The following TOGARAM1 variants were observed in gnomAD, a reference collection of about 807,000 sequenced individuals.
The protein encoded by TOGARAM1 is TOG array regulator of axonemal microtubules protein 1.
TOGARAM1 carries 100 observed loss-of-function variants against 166.6 expected under a neutral mutation model. The observed-to-expected ratio is 0.60, with a 90% confidence interval of 0.51 to 0.71. TOGARAM1 has a LOEUF of 0.71. TOGARAM1 is among the 30% of genes least tolerant of loss of function. TOGARAM1 has a pLI of 0.00. For missense variants in TOGARAM1, 2,029 were observed against 2,102.7 expected, an observed-to-expected ratio of 0.96 and a Z score of 0.69; for synonymous variants, 758 against 763.8, an observed-to-expected ratio of 0.99 and a Z score of 0.13.
chr14:45,019,285 C>A (rs1179454490), intron 7 of TOGARAM1, among the ~76,000 whole-genome samples: 1 of 152,106 alleles, frequency 6.6e-6, no homozygotes, highest in Non-Finnish European at 1.5e-5. Flanking sequence ...TTACCACTTC[C>A]CTGGGTAATT....
At chr14:44,977,231 C>CTTTTTTTTTTTT (rs397707333) in intron 1 of TOGARAM1, among the ~76,000 whole-genome samples, 1 of 123,320 alleles carries the variant, frequency 8.1e-6, no homozygotes, top group Non-Finnish European at 1.7e-5. Context: ...ATTAGACAGA[C>CTTTTTTTTTTTT]TTTTTTTTTT....
At chr14:44,966,174 A>T (rs1054174648) in intron 1 of TOGARAM1, among the ~76,000 whole-genome samples, 1 of 151,368 alleles carries the variant, frequency 6.6e-6, no homozygotes, top group African/African-American at 2.4e-5. Flanking sequence ...CCAAATTGTA[A>T]TTTTTAAATT....
At chr14:44,969,110 TTTCCTTCCTTCCTTCCTTCC>T (rs369302120) in intron 1 of TOGARAM1, among the ~76,000 whole-genome samples, 13 of 139,158 alleles carry the variant, frequency 9.3e-5, no homozygotes, top group Non-Finnish European at 1.7e-4. Context: ...TCTTTCTTTC[TTTCCTTCCTTCCTTCCTTCC>T]TTCCTTCCTT....
chr14:44,973,391 C>T (rs989793620), intron 1 of TOGARAM1, among the ~76,000 whole-genome samples: 2 of 151,838 alleles, frequency 1.3e-5, no homozygotes. Context: ...GTAATTTCTT[C>T]CTCCCTGTCA....
chr14:45,011,949 A>G (rs746049024), intron 6 of TOGARAM1, 26 bp from the exon 7 acceptor site: 1 of 1,511,178 alleles, frequency 6.6e-7, no homozygotes, highest in African/African-American at 1.4e-5. Context: ...CTTAATGTTT[A>G]TTGAAATTAC....
chr14:45,057,349 C>T (rs1037760650), intron 16 of TOGARAM1, among the ~76,000 whole-genome samples: 1 of 151,952 alleles, frequency 6.6e-6, no homozygotes, highest in Non-Finnish European at 1.5e-5. Context: ...GTTTGGCTAA[C>T]CTTGGGGGTT....
At chr14:45,052,415 C>A in intron 14 of TOGARAM1, 21 bp from the exon 15 acceptor site, 1 of 1,598,180 alleles carries the variant, frequency 6.3e-7, no homozygotes, top group Non-Finnish European at 8.5e-7. Flanking sequence ...AGTAATATAC[C>A]TGTTTTTCAA....
intron 16 of TOGARAM1, among the ~76,000 whole-genome samples, chr14:45,056,523 T>C (rs536199435): frequency 2.6e-5 from 4 of 152,352 alleles, no homozygotes; most frequent in African/African-American, 9.6e-5. Flanking sequence ...GCCTTTATTA[T>C]GTTGAGGTAT....
At chr14:45,003,360 G>A (rs28688045) in intron 3 of TOGARAM1, among the ~76,000 whole-genome samples, 7,054 of 151,884 alleles carry the variant, frequency 0.046, 530 homozygotes, top group African/African-American at 0.16. Flanking sequence ...TTTTATATTC[G>A]TTGAAGAATA....
chr14:45,008,142 A>T (rs1369756794), intron 5 of TOGARAM1: 1 of 152,230 alleles, frequency 6.6e-6, no homozygotes, highest in Non-Finnish European at 1.5e-5. Context: ...AAATGTAAAC[A>T]AAACAGTTTA....
intron 18 of TOGARAM1, among the ~76,000 whole-genome samples, chr14:45,071,188 G>A (rs1171529183): frequency 6.6e-6 from 1 of 151,904 alleles, no homozygotes; most frequent in Non-Finnish European, 1.5e-5. Flanking sequence ...CCAAAGTTCT[G>A]GGATTACAGG....
chr14:45,007,694 T>C (rs780540463), intron 5 of TOGARAM1: 1 of 152,156 alleles, frequency 6.6e-6, no homozygotes, highest in Non-Finnish European at 1.5e-5. Context: ...TTTGAATGGG[T>C]CACTGTTTAT....
intron 2 of TOGARAM1, chr14:44,996,423 A>G (rs1256631674): frequency 6.6e-6 from 1 of 152,286 alleles, no homozygotes; most frequent in African/African-American, 2.4e-5. Context: ...GAGAAATACC[A>G]AAGAGACCAG....
intron 1 of TOGARAM1, among the ~76,000 whole-genome samples, chr14:44,969,358 G>A (rs546727929): frequency 6.6e-6 from 1 of 151,834 alleles, no homozygotes; most frequent in Admixed American, 6.6e-5. Context: ...TCACCATGTT[G>A]GCCAGGCTGG....
At chr14:45,037,876 A>G (rs1001927136) in intron 11 of TOGARAM1, among the ~76,000 whole-genome samples, 4 of 151,676 alleles carry the variant, frequency 2.6e-5, no homozygotes, top group African/African-American at 9.7e-5. Context: ...AAAAAAAAAA[A>G]AATGAGCCGG....
rs768557234 is a variant in TOGARAM1, at chr14:45,073,305, C to T, written c.5066C>T (p.Thr1689Met). ...DMTEKLADIV[T>M]ELYQRKPHAT... ...TATTTTTATGTTTCAGATATTGTTA[C>T]GGAACTTTATCAAAGGAAGCCGCAT... Residue 1689 changes from threonine to methionine, a missense_variant, in exon 20 of 20, where the codon ACG (threonine) becomes ATG (methionine). Thr to Met is a moderately conservative substitution (Grantham distance 81, BLOSUM62 -1). Around this residue, in one of 2 missense-constraint regions of TOGARAM1, gnomAD observed 576 missense variants for 670.5 expected, o/e 0.86. Transcript: ENST00000361462. The T allele has an allele frequency of 2.4e-5, 38 of 1,611,348 alleles. 1 individual carries two copies. The South Asian group carries it at 2.7e-4, about 11-fold the overall frequency.
At chr14:44,977,980 A>G (rs2138747301) in intron 1 of TOGARAM1, among the ~76,000 whole-genome samples, 1 of 152,270 alleles carries the variant, frequency 6.6e-6, no homozygotes, top group East Asian at 1.9e-4. Context: ...ACTGGGCAGC[A>G]CCACGTGAGC....
intron 1 of TOGARAM1, among the ~76,000 whole-genome samples, chr14:44,964,698 G>A (rs1366182850): frequency 2.0e-5 from 3 of 151,962 alleles, no homozygotes; most frequent in African/African-American, 4.8e-5. Context: ...ATGTGATATA[G>A]ACAATACCAA....
At chr14:45,058,312 T>TG (rs35995498) in intron 16 of TOGARAM1, among the ~76,000 whole-genome samples, 1 of 151,774 alleles carries the variant, frequency 6.6e-6, no homozygotes, top group African/African-American at 2.4e-5. Flanking sequence ...TTTTTTTTTT[T>TG]GAGACAGTGT....
Sources: allele counts gnomAD v4.1 joint callset (sites outside exome capture counted in the v4.1 genomes callset), GRCh38; gene constraint gnomAD v4.1.1; regional missense constraint gnomAD v4.1.1; transcripts MANE v1.5; gene names NCBI Gene and HGNC (gene_info 2026-07-23, HGNC 2026-07-21).